SKAP2: variants seen among roughly 807,000 people sequenced by gnomAD.
SKAP2 encodes src kinase-associated phosphoprotein 2.
Under a neutral mutation model 54.9 loss-of-function variants are expected in SKAP2, and 28 were observed. That is an observed-to-expected ratio of 0.51 (90% CI 0.38 to 0.70). SKAP2 has a LOEUF of 0.70. Ranked by LOEUF, SKAP2 falls within the 30% of genes least tolerant of loss-of-function variation. SKAP2 has a pLI of 0.00. For synonymous variants in SKAP2, 137 were observed against 134.3 expected (o/e 1.02, Z -0.14); for missense variants, 356 against 424.1 (o/e 0.84, Z 1.41).
At chr7:26,778,576 A>T (rs1783362055) in intron 4 of SKAP2, among the ~76,000 whole-genome samples, 1 of 152,054 alleles carries the variant, frequency 6.6e-6, no homozygotes, top group African/African-American at 2.4e-5. Flanking sequence ...TGAAGAGTAC[A>T]GCACATTGGT....
chr7:26,756,595 T>C (rs1042145464), intron 4 of SKAP2, among the ~76,000 whole-genome samples: 2 of 152,210 alleles, frequency 1.3e-5, no homozygotes, highest in Admixed American at 6.5e-5. Flanking sequence ...GACATTTGCA[T>C]TGGTTCCAAG....
At chr7:26,797,849 C>A (rs1181890228) in intron 4 of SKAP2, among the ~76,000 whole-genome samples, 1 of 151,164 alleles carries the variant, frequency 6.6e-6, no homozygotes, top group Non-Finnish European at 1.5e-5. Flanking sequence ...GAAAAAGAAC[C>A]AAGCAGAAGT....
intron 10 of SKAP2, 118 bp from the exon 11 acceptor site, chr7:26,684,966 A>G: frequency 1.6e-6 from 1 of 625,438 alleles, no homozygotes. Flanking sequence ...TAAAAAAATT[A>G]TGTCCTGAGT....
chr7:26,783,118 G>A (rs1783462728), intron 4 of SKAP2, among the ~76,000 whole-genome samples: 1 of 152,014 alleles, frequency 6.6e-6, no homozygotes, highest in African/African-American at 2.4e-5. Context: ...GTTACAACTT[G>A]GTATTTTTAA....
chr7:26,717,880 A>G (rs1331240535), intron 9 of SKAP2, among the ~76,000 whole-genome samples: 1 of 151,770 alleles, frequency 6.6e-6, no homozygotes, highest in Non-Finnish European at 1.5e-5. Flanking sequence ...AAATTAAAAA[A>G]TATTTTTTTA....
chr7:26,656,133 AT>A, the SKAP2 span, among the ~76,000 whole-genome samples: 1 of 152,198 alleles, frequency 6.6e-6, no homozygotes, highest in Non-Finnish European at 1.5e-5. Flanking sequence ...CTCAGTGTAA[AT>A]GCCGCAATTT....
intron 4 of SKAP2, among the ~76,000 whole-genome samples, chr7:26,802,375 G>A (rs1336078698): frequency 4.7e-5 from 7 of 150,072 alleles, no homozygotes; most frequent in Non-Finnish European, 8.9e-5. Context: ...GAGTTCAAGC[G>A]ATTCTCCTGC....
intron 4 of SKAP2, among the ~76,000 whole-genome samples, chr7:26,749,568 C>CA (rs34923315): frequency 4.3e-4 from 65 of 151,882 alleles, no homozygotes; most frequent in Non-Finnish European, 8.2e-4. Context: ...GGTAACACAG[C>CA]AACACCCCAT....
chr7:26,849,028 G>C (rs1360987780), intron 3 of SKAP2, among the ~76,000 whole-genome samples: 1 of 152,160 alleles, frequency 6.6e-6, no homozygotes, highest in African/African-American at 2.4e-5. Context: ...CAATGGTGGG[G>C]GTAGGTGGTC....
intron 9 of SKAP2, among the ~76,000 whole-genome samples, chr7:26,699,857 A>G (rs1786985008): frequency 6.6e-6 from 1 of 152,178 alleles, no homozygotes; most frequent in African/African-American, 2.4e-5. Flanking sequence ...ACACTATTTG[A>G]TAATTATTTT....
chr7:26,687,549 C>G (rs965145475), intron 10 of SKAP2, among the ~76,000 whole-genome samples: 1 of 151,968 alleles, frequency 6.6e-6, no homozygotes, highest in Non-Finnish European at 1.5e-5. Context: ...AAAAAAAACC[C>G]TGGCAGTATA....
chr7:26,849,211 G>A (rs1264295475), intron 3 of SKAP2, among the ~76,000 whole-genome samples: 1 of 152,156 alleles, frequency 6.6e-6, no homozygotes. Flanking sequence ...TTAAGAAACA[G>A]CATGAGTGAG....
downstream of SKAP2, among the ~76,000 whole-genome samples, chr7:26,664,541 G>A (rs1044056377): frequency 1.3e-5 from 2 of 152,028 alleles, no homozygotes; most frequent in African/African-American, 4.8e-5. Context: ...TCCTTTGAGA[G>A]TACCTGTGTG....
chr7:26,728,482 A>G (rs1787756241), intron 6 of SKAP2, among the ~76,000 whole-genome samples: 1 of 152,150 alleles, frequency 6.6e-6, no homozygotes, highest in Non-Finnish European at 1.5e-5. Context: ...TATATTTCGT[A>G]AGACACCTAA....
At chr7:26,837,132 C>G (rs1322700854) in intron 4 of SKAP2, among the ~76,000 whole-genome samples, 6 of 151,942 alleles carry the variant, frequency 3.9e-5, no homozygotes, top group African/African-American at 1.5e-4. Flanking sequence ...GGGAGTTGAA[C>G]AATGAGAACA....
At chr7:26,853,672 A>T (rs1239681259) in intron 3 of SKAP2, among the ~76,000 whole-genome samples, 1 of 152,182 alleles carries the variant, frequency 6.6e-6, no homozygotes, top group Admixed American at 6.5e-5. Flanking sequence ...TTTGTTCTCA[A>T]ACAAAAATTT....
intron 4 of SKAP2, among the ~76,000 whole-genome samples, chr7:26,742,723 TC>T (rs151127796): frequency 0.085 from 12,891 of 152,188 alleles, 608 homozygotes; most frequent in Middle Eastern, 0.16. Flanking sequence ...CCATATGAAT[TC>T]TTTAAAACAC....
At chr7:26,858,995 T>A (rs1238041632) in intron 1 of SKAP2, among the ~76,000 whole-genome samples, 2 of 152,116 alleles carry the variant, frequency 1.3e-5, no homozygotes, top group Non-Finnish European at 2.9e-5. Context: ...GGCCCATGCA[T>A]ATACACACAC....
chr7:26,691,765 A>G (rs1223705755), intron 9 of SKAP2, among the ~76,000 whole-genome samples: 3 of 152,206 alleles, frequency 2.0e-5, no homozygotes, highest in Admixed American at 6.5e-5. Context: ...ATAAGGAGAG[A>G]GGATAAGAAG....
Sources: allele counts gnomAD v4.1 joint callset (sites outside exome capture counted in the v4.1 genomes callset), GRCh38; gene constraint gnomAD v4.1.1; transcripts MANE v1.5; gene names NCBI Gene and HGNC (gene_info 2026-07-23, HGNC 2026-07-21).